The following DNAI7 variants were observed in gnomAD, a reference collection of about 807,000 sequenced individuals.
DNAI7 encodes dynein axonemal intermediate chain 7.
DNAI7 carries 78 observed loss-of-function variants against 86.6 expected under a neutral mutation model. The observed-to-expected ratio is 0.90, with a 90% CI of 0.75 to 1.09. DNAI7 has a LOEUF of 1.09. Among genes scored for constraint, DNAI7 ranks in the 50% least tolerant of loss-of-function variants. The pLI is 0.00. For synonymous variants in DNAI7, 274 were observed against 273.0 expected, an observed-to-expected ratio of 1.00 and a Z score of -0.04; for missense variants, 753 against 810.2, an observed-to-expected ratio of 0.93 and a Z score of 0.86.
chr12:25,184,612 G>C (rs1949857377), intron 2 of DNAI7, among the ~76,000 whole-genome samples: 1 of 152,106 alleles, frequency 6.6e-6, no homozygotes, highest in African/African-American at 2.4e-5. Flanking sequence ...GTTTTATACT[G>C]TACAGACATA....
intron 9 of DNAI7, among the ~76,000 whole-genome samples, chr12:25,127,365 A>T (rs1008991363): frequency 2.0e-5 from 3 of 152,178 alleles, no homozygotes; most frequent in African/African-American, 7.2e-5. Context: ...TATTTTCATC[A>T]TGTTTTATAT....
At chr12:25,162,922 G>T (rs907942781) in intron 2 of DNAI7, among the ~76,000 whole-genome samples, 3 of 152,074 alleles carry the variant, frequency 2.0e-5, no homozygotes, top group Non-Finnish European at 1.5e-5. Context: ...TTTTAAAATA[G>T]ACTCCAGATT....
intron 2 of DNAI7, among the ~76,000 whole-genome samples, chr12:25,169,501 C>T (rs1245038902): frequency 6.6e-6 from 1 of 152,202 alleles, no homozygotes; most frequent in Non-Finnish European, 1.5e-5. Context: ...GGTCTCTTCA[C>T]ACGGACGAGA....
rs780549963 is a variant in DNAI7 at position 25,108,799 on chromosome 12, A to T, written c.1918T>A (p.Cys640Ser). Residue 640 changes from cysteine (C) to serine (S), a missense_variant, in exon 16 of 16, where the codon TGT (cysteine) becomes AGT (serine). Coordinates refer to ENST00000395987, the MANE Select transcript of DNAI7 (RefSeq NM_018272.5). ...FKVREHLTEA[C>S]TENPNWALLM... is the part of the protein sequence containing the mutation. ...AGGGCCCAATTAGGATTCTCAGTAC[A>T]TGCTTCAGTAAGGTGTTCCCTCACC... 7 of 722,818 alleles carry T rather than the reference A, an allele frequency of 9.7e-6. No individual in the cohort carries two copies. The highest frequency in any genetic ancestry group is 1.6e-5 in the Non-Finnish European group (7 of 448,702). The allele number at this position is 722,818 out of a possible 1,614,324, so 44.8% of individuals were successfully genotyped here. A position where few individuals can be genotyped will look rare whatever the true frequency, so the allele number is the denominator to read the frequency against.
intron 12 of DNAI7, among the ~76,000 whole-genome samples, chr12:25,118,068 G>T (rs1449352040): frequency 1.3e-5 from 2 of 151,302 alleles, no homozygotes; most frequent in Non-Finnish European, 2.9e-5. Flanking sequence ...CAAGTAGCTG[G>T]GACTACAGGC....
In DNAI7 at chr12:25,109,044, A is replaced by C. The variant is rs76979540; in HGVS notation, c.1894-221T>G. 6.5e-4 allele frequency among the ~76,000 whole-genome samples: 99 copies of C among 152,290 alleles called. No homozygotes were observed. The East Asian group carries it at 8.1e-3, about 12-fold the overall frequency. The stretch of plus-strand genomic sequence containing the variant: ...ACATGTATTAATTCATGCAACAAAT[A>C]TTTATTGAGTGCCTATCATGTGTGA... On this transcript the variant is annotated intron_variant, in intron 15 of 15. Coordinates refer to ENST00000395987, the MANE Select transcript of DNAI7 (RefSeq NM_018272.5).
rs1339720141 is a variant in DNAI7, at chr12:25,174,482, TATATATC to T, written c.22-13292_22-13286del. Among the ~76,000 whole-genome samples the T allele has an allele frequency of 2.9e-4, 27 of 91,542 alleles. 3 individuals carry two copies. Among genetic ancestry groups the T allele is most frequent in the Non-Finnish European group, 4.5e-4 (20 of 44,612 alleles). The allele number at this position is 91,542 out of a possible 152,430, so 60.1% of individuals were successfully genotyped here. On this transcript the variant is annotated intron_variant, in intron 2 of 15. Coordinates refer to ENST00000395987, the MANE Select transcript of DNAI7 (RefSeq NM_018272.5). ...TCATATATATCATATATATGGGATA[TATATATC>T]ATATATCCCATATATATGGGATATA...
rs1948725799 is a variant in DNAI7 at position 25,174,626 on chromosome 12, G to GATATATATCCCATATATATGGAAT, written c.22-13430_22-13429insATTCCATATATATGGGATATATAT. On this transcript the variant is annotated intron_variant, in intron 2 of 15. Coordinates refer to ENST00000395987, the MANE Select transcript of DNAI7 (RefSeq NM_018272.5). ...TATGATATATATATCATATATATGGGATATATATCATATATATGGAATATA... is the reference window on the plus strand; with the variant it reads ...TATGATATATATATCATATATATGGGATATATATCCCATATATATGGAATATATATATCATATATATGGAATATA... 1.5e-4 allele frequency among the ~76,000 whole-genome samples: 11 copies of GATATATATCCCATATATATGGAAT among 74,444 alleles called. 2 individuals are homozygous for GATATATATCCCATATATATGGAAT. The highest frequency in any genetic ancestry group is 5.7e-4 in the African/African-American group (9 of 15,892). The allele number at this position is 74,444 out of a possible 152,430, so 48.8% of individuals were successfully genotyped here.
chr12:25,110,806 A>T (rs1181049788), intron 14 of DNAI7, among the ~76,000 whole-genome samples: 1 of 151,970 alleles, frequency 6.6e-6, no homozygotes, highest in Non-Finnish European at 1.5e-5. Flanking sequence ...CTAATCATTT[A>T]TTTTTTTAAA....
At chr12:25,112,285 T>C (rs958057961) in intron 13 of DNAI7, among the ~76,000 whole-genome samples, 8 of 152,186 alleles carry the variant, frequency 5.3e-5, no homozygotes, top group Non-Finnish European at 1.2e-4. Flanking sequence ...GATTATACTT[T>C]TAGGGATCAT....
At chr12:25,119,070 C>T (rs906873384) in intron 12 of DNAI7, 75 bp downstream of exon 12, 4 of 1,221,124 alleles carry the variant, frequency 3.3e-6, no homozygotes, top group South Asian at 3.1e-5. Flanking sequence ...TCAGTTAATA[C>T]ACTACACTTT....
intron 6 of DNAI7, among the ~76,000 whole-genome samples, chr12:25,154,045 T>C (rs939186635): frequency 4.6e-5 from 7 of 152,164 alleles, no homozygotes; most frequent in African/African-American, 1.7e-4. Context: ...ACCCGAGTTA[T>C]CTACATGAAT....
intron 9 of DNAI7, among the ~76,000 whole-genome samples, chr12:25,125,453 T>A (rs1565658937): frequency 6.6e-6 from 1 of 152,214 alleles, no homozygotes; most frequent in African/African-American, 2.4e-5. Flanking sequence ...CTTTGCCCAC[T>A]TTTTAATAGG....
At chr12:25,174,889 C>T (rs1421526476) in intron 2 of DNAI7, among the ~76,000 whole-genome samples, 2 of 151,484 alleles carry the variant, frequency 1.3e-5, no homozygotes, top group South Asian at 2.1e-4. Context: ...TATGTTCTCA[C>T]TGATGTGTGG....
rs1171954767 is a variant in DNAI7 at position 25,108,808 on chromosome 12, T to A, written c.1909A>T (p.Thr637Ser). 1 of 550,384 alleles carries A rather than the reference T, an allele frequency of 1.8e-6. No homozygotes were observed. The allele number at this position is 550,384 out of a possible 1,614,324, so 34.1% of individuals were successfully genotyped here. A position where few individuals can be genotyped will look rare whatever the true frequency, so the allele number is the denominator to read the frequency against. Residue 637 changes from threonine to serine, a missense_variant, in exon 16 of 16, where the codon ACT (threonine) becomes TCT (serine). Thr to Ser is a moderately conservative substitution (Grantham distance 58). Transcript: ENST00000395987. ...TTAGGATTCTCAGTACATGCTTCAG[T>A]AAGGTGTTCCCTCACCTAAAAAAAA... Reference protein sequence around the residue: ...KVVFKVREHLTEACTENPNWA... With the variant: ...KVVFKVREHLSEACTENPNWA...
At chr12:25,137,561 G>A (rs1316293523) in intron 9 of DNAI7, among the ~76,000 whole-genome samples, 1 of 152,142 alleles carries the variant, frequency 6.6e-6, no homozygotes, top group Non-Finnish European at 1.5e-5. Flanking sequence ...AACATTGGAT[G>A]TAAATGGCCT....
At chr12:25,194,967 G>C in intron 1 of DNAI7, 109 bp downstream of exon 1, 1 of 1,614,216 alleles carries the variant, frequency 6.2e-7, no homozygotes, top group Non-Finnish European at 8.5e-7. Flanking sequence ...TTCCCAAACC[G>C]ACCCGCTTCG....
Position 25,192,288 on chromosome 12 carries a change from G to A in DNAI7, c.4-1657C>T, listed in dbSNP as rs74760555. Among the ~76,000 whole-genome samples the A allele has an allele frequency of 7.2e-5, 11 of 152,296 alleles. No homozygotes were observed. The East Asian group carries it at 1.9e-3, about 27-fold the overall frequency. Reference sequence around the variant, plus strand: ...TCAATTAGCCATATTTTAAAGAGGGGCAAATTGTCACTTCTCACTTGTGCT... The same window carrying A: ...TCAATTAGCCATATTTTAAAGAGGGACAAATTGTCACTTCTCACTTGTGCT... On this transcript the variant is annotated intron_variant, in intron 1 of 15. Transcript: ENST00000395987.
chr12:25,124,692 G>A (rs550846809), intron 9 of DNAI7, among the ~76,000 whole-genome samples: 60 of 152,184 alleles, frequency 3.9e-4, no homozygotes, highest in Non-Finnish European at 7.9e-4. Flanking sequence ...GGTCACAGGG[G>A]TTTGTTGTAC....
Sources: gnomAD v4.1 joint callset for allele counts (sites outside exome capture counted in the v4.1 genomes callset) on GRCh38, gnomAD v4.1.1 for gene constraint, MANE v1.5 for transcripts, NCBI Gene and HGNC (gene_info 2026-07-23, HGNC 2026-07-21) for gene names.